BLTP1: variants seen among roughly 807,000 people sequenced by gnomAD.
The protein encoded by BLTP1 is fragile site-associated protein.
At chr4:122,211,552 T>G in the BLTP1 span, among the ~76,000 whole-genome samples, 1 of 152,206 alleles carries the variant, frequency 6.6e-6, no homozygotes, top group Admixed American at 6.5e-5. Flanking sequence ...AATATTTGCT[T>G]GGTGCTTTAT....
At chr4:122,263,229 T>A in the BLTP1 span, 1 of 985,118 alleles carries the variant, frequency 1.0e-6, no homozygotes, top group Non-Finnish European at 1.2e-6. Flanking sequence ...TGGGGTACTG[T>A]CTAGACCAGC....
the BLTP1 span, chr4:122,262,876 G>A: frequency 6.2e-7 from 1 of 1,614,094 alleles, no homozygotes; most frequent in Non-Finnish European, 8.5e-7. Flanking sequence ...AGGAAGGAGA[G>A]CCTACTCAGC....
At chr4:122,244,923 A>T in the BLTP1 span, 1 of 1,397,828 alleles carries the variant, frequency 7.2e-7, no homozygotes, top group Non-Finnish European at 9.8e-7. Context: ...ATTGTTGTAC[A>T]TATTCAGATG....
chr4:122,199,326 C>T, the BLTP1 span: 1 of 1,604,042 alleles, frequency 6.2e-7, no homozygotes, highest in Non-Finnish European at 8.5e-7. Flanking sequence ...TAATTGTTTT[C>T]CTGGTTCTTA....
chr4:122,231,638 C>G, the BLTP1 span: 5 of 957,808 alleles, frequency 5.2e-6, no homozygotes, highest in Non-Finnish European at 5.0e-6. Flanking sequence ...CATTCTTTTG[C>G]TAGTAATCAA....
the BLTP1 span, chr4:122,224,655 C>G: frequency 6.2e-7 from 1 of 1,614,002 alleles, no homozygotes. Flanking sequence ...GGAAGTCTTA[C>G]AGCTAAGGTC....
the BLTP1 span, chr4:122,250,607 C>T: frequency 6.3e-7 from 1 of 1,587,386 alleles, no homozygotes; most frequent in South Asian, 1.1e-5. Flanking sequence ...AATAATGGTG[C>T]TTTAGAAAAA....
At chr4:122,162,314 T>A in the BLTP1 span, among the ~76,000 whole-genome samples, 5 of 152,196 alleles carry the variant, frequency 3.3e-5, no homozygotes, top group Admixed American at 2.0e-4. Context: ...AAGTGATAAG[T>A]AATGTTATAT....
chr4:122,306,444 CCAGTGGAAAAG>C, the BLTP1 span: 1 of 396,220 alleles, frequency 2.5e-6, no homozygotes, highest in Admixed American at 6.4e-5. Flanking sequence ...ACCTGTCAGT[CCAGTGGAAAAG>C]AAAACAAAGT....
At chr4:122,235,871 G>A in the BLTP1 span, among the ~76,000 whole-genome samples, 104 of 152,252 alleles carry the variant, frequency 6.8e-4, no homozygotes, top group African/African-American at 2.4e-3. Context: ...TATGAGCAGT[G>A]AAGAGTGGCT....
the BLTP1 span, among the ~76,000 whole-genome samples, chr4:122,192,944 AGT>A: frequency 6.6e-6 from 1 of 152,240 alleles, no homozygotes; most frequent in Non-Finnish European, 1.5e-5. Context: ...AGAGTCTAAG[AGT>A]CCTCCAACAA....
the BLTP1 span, chr4:122,186,870 T>C: frequency 4.6e-6 from 1 of 216,348 alleles, no homozygotes; most frequent in Non-Finnish European, 7.9e-6. Flanking sequence ...TGCTGTGAAA[T>C]TTTGATTTCT....
the BLTP1 span, among the ~76,000 whole-genome samples, chr4:122,218,878 A>G: frequency 4.6e-5 from 7 of 152,366 alleles, no homozygotes; most frequent in East Asian, 7.7e-4. Flanking sequence ...CTGTTAAAAC[A>G]TGCCCAATAA....
At chr4:122,280,082 C>T in the BLTP1 span, 1 of 1,576,322 alleles carries the variant, frequency 6.3e-7, no homozygotes, top group Non-Finnish European at 8.6e-7. Context: ...AGGGTTACTT[C>T]TAAGTATCGA....
chr4:122,244,454 G>A, the BLTP1 span: 1 of 167,504 alleles, frequency 6.0e-6, no homozygotes, highest in Non-Finnish European at 1.2e-5. Flanking sequence ...TTGGTTAAAT[G>A]TGTGGATTTG....
the BLTP1 span, chr4:122,261,225 T>C: frequency 5.3e-5 from 45 of 850,568 alleles, no homozygotes; most frequent in Non-Finnish European, 6.4e-5. Flanking sequence ...GTTTCCACAG[T>C]ATAGTTAGAC....
At chr4:122,187,626 A>G in the BLTP1 span, 15 of 1,073,252 alleles carry the variant, frequency 1.4e-5, no homozygotes, top group South Asian at 2.6e-4. Context: ...AGTTTTTTTT[A>G]GTTCCCATTT....
At chr4:122,254,797 T>C in the BLTP1 span, 1 of 1,527,598 alleles carries the variant, frequency 6.5e-7, no homozygotes, top group Non-Finnish European at 8.8e-7. Context: ...TTTATTTATG[T>C]TAAAAAGGCA....
the BLTP1 span, chr4:122,336,658 T>C: frequency 1.9e-4 from 190 of 978,840 alleles, 5 homozygotes; most frequent in East Asian, 0.015. Context: ...ATATAATCAC[T>C]AGTTTCTTTG....
Sources: allele counts gnomAD v4.1 joint callset (sites outside exome capture counted in the v4.1 genomes callset), GRCh38; gene constraint gnomAD v4.1.1; transcripts MANE v1.5; gene names NCBI Gene and HGNC (gene_info 2026-07-23, HGNC 2026-07-21).